PPIG: variants seen among roughly 807,000 people sequenced by gnomAD.
The protein encoded by PPIG is peptidylprolyl isomerase G, also known as peptidyl-prolyl cis-trans isomerase G.
Under a neutral mutation model 87.9 loss-of-function variants are expected in PPIG, and 26 were observed. The observed-to-expected ratio is 0.30, with a 90% CI of 0.22 to 0.41. The LOEUF is 0.41. Among genes scored for constraint, PPIG ranks in the 10% least tolerant of loss-of-function variants. The probability of loss-of-function intolerance (pLI) is 1.00; values close to 1 mark genes in which losing one functional copy is unlikely to be tolerated. For synonymous variants in PPIG, 308 were observed against 276.5 expected (o/e 1.11, Z -1.13); for missense variants, 722 against 879.4 (o/e 0.82, Z 2.26).
chr2:169,608,129 G>A (rs1334363152), intron 6 of PPIG, among the ~76,000 whole-genome samples: 2 of 152,174 alleles, frequency 1.3e-5, no homozygotes, highest in African/African-American at 4.8e-5. Flanking sequence ...GGAAAGGAAG[G>A]GGATTGAGAT....
intron 1 of PPIG, among the ~76,000 whole-genome samples, chr2:169,598,808 T>C (rs907141138): frequency 2.0e-5 from 3 of 147,356 alleles, no homozygotes; most frequent in Admixed American, 6.8e-5. Flanking sequence ...ATTATAAATA[T>C]TTATATTTAT....
chr2:169,625,953 C>T (rs1489514223), intron 9 of PPIG, among the ~76,000 whole-genome samples: 1 of 152,134 alleles, frequency 6.6e-6, no homozygotes. Context: ...ACTGATCTGA[C>T]AGGAGGTGGA....
intron 12 of PPIG, among the ~76,000 whole-genome samples, chr2:169,634,287 C>T (rs967719261): frequency 6.6e-6 from 1 of 152,074 alleles, no homozygotes; most frequent in Non-Finnish European, 1.5e-5. Flanking sequence ...GTCTTGAACT[C>T]CTGAGCTCAA....
At chr2:169,630,047 A>G (rs1464069440) in intron 9 of PPIG, among the ~76,000 whole-genome samples, 1 of 152,012 alleles carries the variant, frequency 6.6e-6, no homozygotes, top group East Asian at 1.9e-4. Context: ...AGATGGGTCA[A>G]GCTCCTCCCA....
At chr2:169,620,855 G>T (rs974341631) in intron 9 of PPIG, among the ~76,000 whole-genome samples, 1 of 152,214 alleles carries the variant, frequency 6.6e-6, no homozygotes, top group African/African-American at 2.4e-5. Context: ...CTTCAAACCT[G>T]TATAGAAAGT....
In PPIG at chr2:169,631,808, C is replaced by T. The variant is rs1372641230; in HGVS notation, c.804C>T (p.Pro268=). 3 of 1,613,504 alleles carry T rather than the reference C, an allele frequency of 1.9e-6. No homozygotes were observed. The highest frequency in any genetic ancestry group is 2.7e-5 in the African/African-American group (2 of 74,846). The change falls in exon 11 of 14, where the codon CCC becomes CCT. Residue 268 remains proline, a synonymous_variant. Transcript: ENST00000260970. ...AAGCTGAAAATCTTGAAGCACAACC[C>T]CAGTCTACTGTCCGTCCAGAAGAGA... ...ESEAENLEAQ[P]QSTVRPEEIP...
intron 9 of PPIG, among the ~76,000 whole-genome samples, chr2:169,623,603 C>G (rs1685810081): frequency 6.6e-6 from 1 of 152,172 alleles, no homozygotes; most frequent in South Asian, 2.1e-4. Context: ...GCTGGTGAAT[C>G]TTGTACTCAG....
chr2:169,597,810 T>C (rs925023303), intron 1 of PPIG, among the ~76,000 whole-genome samples: 11 of 152,282 alleles, frequency 7.2e-5, no homozygotes, highest in Non-Finnish European at 1.0e-4. Context: ...TCTCTTCTTT[T>C]AAAAATATAC....
chr2:169,613,674 A>T (rs576252488), intron 7 of PPIG, among the ~76,000 whole-genome samples: 4 of 152,318 alleles, frequency 2.6e-5, no homozygotes, highest in South Asian at 2.1e-4. Context: ...CATACTTGTA[A>T]TCCCAGCACT....
intron 11 of PPIG, 82 bp from the exon 12 acceptor site, chr2:169,633,078 G>C (rs547583663): frequency 5.0e-5 from 55 of 1,090,494 alleles, no homozygotes; most frequent in Middle Eastern, 2.9e-4. Context: ...ACCCGGCCCA[G>C]ATTCATTTTT....
intron 9 of PPIG, among the ~76,000 whole-genome samples, chr2:169,618,431 C>A (rs148448568): frequency 2.4e-3 from 366 of 152,238 alleles, no homozygotes; most frequent in African/African-American, 8.5e-3. Flanking sequence ...AGGAATGGTA[C>A]CAGCTCCTCT....
At chr2:169,604,307 A>ATGTC in intron 4 of PPIG, 46 bp downstream of exon 4, 1 of 789,686 alleles carries the variant, frequency 1.3e-6, no homozygotes, top group Non-Finnish European at 1.9e-6. Context: ...TCAGTTGACT[A>ATGTC]TGGCTTGCTT....
intron 1 of PPIG, among the ~76,000 whole-genome samples, chr2:169,590,406 C>A (rs1237390024): frequency 6.6e-6 from 1 of 151,936 alleles, no homozygotes; most frequent in Non-Finnish European, 1.5e-5. Flanking sequence ...TTTGGGAGGC[C>A]GAGGCAGGCG....
chr2:169,630,518 A>T (rs1032354311), intron 9 of PPIG, among the ~76,000 whole-genome samples: 1 of 152,188 alleles, frequency 6.6e-6, no homozygotes, highest in Non-Finnish European at 1.5e-5. Flanking sequence ...GATGTTTGTT[A>T]ACATTAGTTT....
At chr2:169,596,202 T>C (rs185315381) in intron 1 of PPIG, among the ~76,000 whole-genome samples, 1 of 152,204 alleles carries the variant, frequency 6.6e-6, no homozygotes, top group Non-Finnish European at 1.5e-5. Flanking sequence ...CCCTCTGGGT[T>C]CCAGAAATTT....
In PPIG at chr2:169,636,770, T is replaced by C. The variant is rs1181056072; in HGVS notation, c.1512T>C (p.Ser504=). The C allele has an allele frequency of 6.2e-7, 1 of 1,612,270 alleles. No individual in the cohort carries two copies. ...HENVKEKEKQ[S]DSKGKDQERS... is the part of the protein sequence containing the mutation. ...ATGTTAAAGAAAAAGAAAAGCAGTC[T>C]GATTCTAAAGGAAAAGATCAGGAAA... The change falls in exon 14 of 14, where the codon TCT becomes TCC. Residue 504 remains serine, a synonymous_variant. Coordinates refer to ENST00000260970, the MANE Select transcript of PPIG (RefSeq NM_004792.3).
rs145583786 is a variant in PPIG, at chr2:169,596,743, G to A, written c.-69-6899G>A. On this transcript the variant is annotated intron_variant, in intron 1 of 13. Coordinates refer to ENST00000260970, the MANE Select transcript of PPIG (RefSeq NM_004792.3). The stretch of plus-strand genomic sequence containing the variant: ...GAGACGGAGTCTTACTCTGTTGCCT[G>A]GGCTGGAGTGTTGTGGCGCAATCTC... 9.9e-4 allele frequency among the ~76,000 whole-genome samples: 151 copies of A among 151,986 alleles called. No homozygotes were observed. In the Middle Eastern group the frequency reaches 0.01, roughly 10 times the overall value.
rs1412934727 is a variant in PPIG at position 169,639,075 on chromosome 2, T to C, written c.*1552T>C. ...TAATGCAATATTGATATATTTGGCGTTGTGGTAGCTGTTGCAGAATGAATA... is the reference window on the plus strand; with the variant it reads ...TAATGCAATATTGATATATTTGGCGCTGTGGTAGCTGTTGCAGAATGAATA... On this transcript the variant is annotated 3_prime_UTR_variant, in exon 14 of 14. Coordinates refer to ENST00000260970, the MANE Select transcript of PPIG (RefSeq NM_004792.3). The C allele has an allele frequency of 6.6e-6, 1 of 152,028 alleles. No homozygotes were observed. Among genetic ancestry groups the C allele is most frequent in the Non-Finnish European group, 1.5e-5 (1 of 67,928 alleles). The allele number at this position is 152,028 out of a possible 1,614,324, so 9.4% of individuals were successfully genotyped here.
intron 1 of PPIG, among the ~76,000 whole-genome samples, chr2:169,595,978 A>G (rs898655468): frequency 6.7e-6 from 1 of 149,926 alleles, no homozygotes; most frequent in African/African-American, 2.5e-5. Flanking sequence ...CTAATTTTGT[A>G]TTTTTAGTAG....
Sources: allele counts gnomAD v4.1 joint callset (sites outside exome capture counted in the v4.1 genomes callset), GRCh38; gene constraint gnomAD v4.1.1; transcripts MANE v1.5; gene names NCBI Gene and HGNC (gene_info 2026-07-23, HGNC 2026-07-21).